The following ZNF451 variants were observed in gnomAD, a reference collection of about 807,000 sequenced individuals.
ZNF451 encodes zinc finger protein 451, also known as E3 SUMO-protein ligase ZNF451.
A neutral mutation model predicts 107.1 loss-of-function variants in ZNF451; 80 were observed. The ratio of observed to expected loss-of-function variants is 0.75; its 90% CI spans 0.62 to 0.90. The LOEUF is 0.90. Among genes scored for constraint, ZNF451 ranks in the 40% least tolerant of loss-of-function variants. The pLI is 0.00. For missense variants in ZNF451, 1,107 were observed against 1,236.2 expected (o/e 0.90, Z 1.57); for synonymous variants, 362 against 406.5 (o/e 0.89, Z 1.32).
chr6:57,101,661 T>C (rs1829604171), intron 3 of ZNF451: 2 of 1,550,720 alleles, frequency 1.3e-6, no homozygotes, highest in Non-Finnish European at 1.7e-6. Flanking sequence ...ACCCAGAATT[T>C]GATCGTGGAA....
intron 2 of ZNF451, among the ~76,000 whole-genome samples, chr6:57,096,496 A>T (rs891844660): frequency 4.8e-5 from 7 of 146,082 alleles, no homozygotes; most frequent in African/African-American, 1.8e-4. Context: ...TGTTTATCTT[A>T]TTTTTTTCCA....
At position 57,147,508 on chromosome 6, in the gene ZNF451, G is replaced by A; in HGVS notation, c.1423G>A (p.Glu475Lys). 6.2e-7 allele frequency: 1 copy of A among 1,614,078 alleles called. No homozygotes were observed. Among genetic ancestry groups the A allele is most frequent in the Non-Finnish European group, 8.5e-7 (1 of 1,179,972 alleles). Reference protein sequence around the residue: ...EKSVVKTWFCECNQRFPSEDA... With the variant: ...EKSVVKTWFCKCNQRFPSEDA... ...ATCAGTAGTTAAAACCTGGTTCTGT[G>A]AATGCAATCAGCGATTCCCAAGTGA... The change falls in exon 10 of 15, where the codon GAA (glutamate) becomes AAA (lysine). Residue 475 changes from glutamate to lysine, a missense_variant. By Grantham distance (56) the Glu-to-Lys change is moderately conservative (BLOSUM62 1). Coordinates refer to ENST00000370706, the MANE Select transcript of ZNF451 (RefSeq NM_001031623.3).
intron 3 of ZNF451, among the ~76,000 whole-genome samples, chr6:57,117,579 A>G (rs1830433960): frequency 6.6e-6 from 1 of 152,154 alleles, no homozygotes; most frequent in African/African-American, 2.4e-5. Context: ...GCACGTGAGT[A>G]TAATTTGAAG....
chr6:57,156,808 A>G (rs1763447609), intron 13 of ZNF451, among the ~76,000 whole-genome samples: 1 of 152,082 alleles, frequency 6.6e-6, no homozygotes, highest in Non-Finnish European at 1.5e-5. Flanking sequence ...TTTTCCATGG[A>G]TTGGGGGCAG....
intron 4 of ZNF451, 30 bp from the exon 5 acceptor site, chr6:57,128,699 C>CTTAATTGAGTTTT (rs781010925): frequency 6.6e-7 from 1 of 1,504,212 alleles, no homozygotes; most frequent in Admixed American, 1.7e-5. Context: ...GGGTAGTAAT[C>CTTAATTGAGTTTT]TTAATTGAGT....
At chr6:57,158,316 T>A (rs143190688) in intron 13 of ZNF451, among the ~76,000 whole-genome samples, 2 of 151,936 alleles carry the variant, frequency 1.3e-5, no homozygotes, top group East Asian at 3.9e-4. Context: ...TATAAAGATA[T>A]CAAACAAGTT....
intron 3 of ZNF451, chr6:57,102,136 C>T (rs1829629652): frequency 1.1e-5 from 16 of 1,458,204 alleles, no homozygotes; most frequent in Non-Finnish European, 1.4e-5. Context: ...ATTCAAGATC[C>T]TAACTATTTT....
At chr6:57,124,455 A>G (rs1347454370) in intron 3 of ZNF451, 3 of 716,614 alleles carry the variant, frequency 4.2e-6, no homozygotes, top group East Asian at 2.7e-5. Flanking sequence ...TGATGACCCT[A>G]CCTCTCTGAC....
At chr6:57,115,333 A>C (rs1372987197) in intron 3 of ZNF451, 3 of 152,204 alleles carry the variant, frequency 2.0e-5, no homozygotes, top group African/African-American at 7.2e-5. Context: ...ATGTAAGTTT[A>C]ACATTATCAT....
At chr6:57,093,855 A>G (rs1454274005) in intron 2 of ZNF451, among the ~76,000 whole-genome samples, 40 of 152,236 alleles carry the variant, frequency 2.6e-4, no homozygotes, top group Non-Finnish European at 5.9e-5. Flanking sequence ...GGTAGTATAG[A>G]TCTTGAATGT....
chr6:57,164,776 G>C (rs1241075206), intron 14 of ZNF451: 1 of 152,128 alleles, frequency 6.6e-6, no homozygotes, highest in Non-Finnish European at 1.5e-5. Context: ...GGTTGTTTTT[G>C]TTGTTTGTTT....
intron 3 of ZNF451, chr6:57,104,022 T>A: frequency 1.0e-6 from 1 of 985,118 alleles, no homozygotes; most frequent in Non-Finnish European, 1.2e-6. Flanking sequence ...AAACTTGAAC[T>A]AGTCTTAATA....
chr6:57,141,881 G>A (rs1379232795), intron 8 of ZNF451, 67 bp from the exon 9 acceptor site: 7 of 1,400,410 alleles, frequency 5.0e-6, no homozygotes, highest in Non-Finnish European at 6.9e-6. Flanking sequence ...GAAGGGCTGA[G>A]GGGAGGAAGG....
intron 9 of ZNF451, among the ~76,000 whole-genome samples, chr6:57,143,017 T>C (rs527435494): frequency 2.6e-5 from 4 of 152,250 alleles, no homozygotes; most frequent in South Asian, 2.1e-4. Context: ...GTCTTCAAAA[T>C]TGGATTGTTT....
At chr6:57,151,018 CT>C in intron 11 of ZNF451, 156 bp downstream of exon 11, 2 of 851,106 alleles carry the variant, frequency 2.3e-6, no homozygotes, top group Non-Finnish European at 3.5e-6. Context: ...GAATCGTTTT[CT>C]TTACATGCCT....
At chr6:57,139,469 C>T (rs887805923) in intron 7 of ZNF451, among the ~76,000 whole-genome samples, 3 of 152,130 alleles carry the variant, frequency 2.0e-5, no homozygotes, top group African/African-American at 7.2e-5. Context: ...AATTTTTTAT[C>T]TCTCTTCTGG....
At chr6:57,104,704 A>G (rs2127943324) in intron 3 of ZNF451, 4 of 985,326 alleles carry the variant, frequency 4.1e-6, no homozygotes, top group South Asian at 9.4e-5. Flanking sequence ...CAGCTCCTCC[A>G]TTCTTAAATA....
Position 57,090,237 on chromosome 6 carries a change from G to C in ZNF451, c.-17G>C. On this transcript the variant is annotated 5_prime_UTR_variant, in exon 1 of 15. Coordinates refer to ENST00000370706, the MANE Select transcript of ZNF451 (RefSeq NM_001031623.3). ...GACAGCAGGAGCAGTGGTGCTGTCA[G>C]CGCGGCCGTCGGAGACATGGGAGAC... 6.2e-7 allele frequency: 1 copy of C among 1,610,118 alleles called. No homozygotes were observed. Among genetic ancestry groups the C allele is most frequent in the Non-Finnish European group, 8.5e-7 (1 of 1,178,844 alleles).
Position 57,152,773 on chromosome 6 carries a change from T to C in ZNF451, c.2883+422T>C, listed in dbSNP as rs542561119. Among the ~76,000 whole-genome samples, 8 of 152,274 alleles carry C rather than the reference T, an allele frequency of 5.3e-5. No homozygotes were observed. In the East Asian group the frequency reaches 1.3e-3, roughly 26 times the overall value. On this transcript the variant is annotated intron_variant, in intron 12 of 14. Coordinates refer to ENST00000370706, the MANE Select transcript of ZNF451 (RefSeq NM_001031623.3). ...CATGCCCAGCTAATACTTGTATTTT[T>C]AGTAGAGACGGGGTTTCTCCATGTT...
Sources: allele counts gnomAD v4.1 joint callset (sites outside exome capture counted in the v4.1 genomes callset), GRCh38; gene constraint gnomAD v4.1.1; transcripts MANE v1.5; gene names NCBI Gene and HGNC (gene_info 2026-07-23, HGNC 2026-07-21).